The following CD109 variants were observed in gnomAD, a reference collection of about 807,000 sequenced individuals.
CD109 encodes the protein CD109 antigen.
Under a neutral mutation model 165.8 loss-of-function variants are expected in CD109, and 149 were observed. The observed-to-expected ratio is 0.90, with a 90% CI of 0.79 to 1.03. The LOEUF (loss-of-function observed/expected upper bound fraction) is 1.03, where lower values mean the gene tolerates loss of function less well. Ranked by LOEUF, CD109 falls within the 50% of genes least tolerant of loss-of-function variation. The probability of loss-of-function intolerance (pLI) is 0.00; values close to 1 mark genes in which losing one functional copy is unlikely to be tolerated. For missense variants in CD109, 1,712 were observed against 1,677.8 expected, an observed-to-expected ratio of 1.02 and a Z score of -0.36; for synonymous variants, 585 against 592.1, an observed-to-expected ratio of 0.99 and a Z score of 0.18.
chr6:73,822,203 A>G (rs531087798), intron 32 of CD109, among the ~76,000 whole-genome samples: 1 of 152,322 alleles, frequency 6.6e-6, no homozygotes, highest in South Asian at 2.1e-4. Context: ...GACTTTTTGT[A>G]TGTGATCTCT....
Position 73,701,622 on chromosome 6 carries a change from A to G in CD109, c.247+4050A>G, listed in dbSNP as rs115871228. 6.6e-3 allele frequency among the ~76,000 whole-genome samples: 1,012 copies of G among 152,342 alleles called. 15 individuals carry two copies. Among genetic ancestry groups the G allele is most frequent in the African/African-American group, 0.023 (964 of 41,584 alleles). The stretch of plus-strand genomic sequence containing the variant: ...TAATTTTCGTGATGTCCTTGAAACC[A>G]TAATTTCTGTTTTATTTTCCCTTCT... On this transcript the variant is annotated intron_variant, in intron 2 of 32. Transcript: ENST00000287097.
chr6:73,713,860 C>T (rs1040313816), intron 2 of CD109, among the ~76,000 whole-genome samples: 1 of 152,076 alleles, frequency 6.6e-6, no homozygotes, highest in African/African-American at 2.4e-5. Context: ...TGTAGACTCC[C>T]AACTGTTTTT....
intron 4 of CD109, among the ~76,000 whole-genome samples, chr6:73,734,363 C>T (rs1005852388): frequency 1.3e-5 from 2 of 152,220 alleles, no homozygotes; most frequent in African/African-American, 4.8e-5. Context: ...TTTTCCTACA[C>T]TTCAGGTAAC....
At chr6:73,711,435 T>G (rs551911288) in intron 2 of CD109, among the ~76,000 whole-genome samples, 2 of 152,210 alleles carry the variant, frequency 1.3e-5, no homozygotes, top group African/African-American at 4.8e-5. Context: ...AGAATACTTG[T>G]GTTTTCTGTG....
intron 23 of CD109, among the ~76,000 whole-genome samples, chr6:73,802,190 G>A (rs1279418176): frequency 2.0e-5 from 3 of 150,492 alleles, no homozygotes; most frequent in Non-Finnish European, 4.4e-5. Flanking sequence ...GCAGATACGT[G>A]AGCCTTAACC....
intron 2 of CD109, among the ~76,000 whole-genome samples, chr6:73,700,724 G>A (rs1771034410): frequency 6.8e-6 from 1 of 146,442 alleles, no homozygotes; most frequent in Non-Finnish European, 1.5e-5. Context: ...GGCCAGGAGT[G>A]TAGGTTATAT....
intron 21 of CD109, 61 bp downstream of exon 21, chr6:73,787,513 G>T: frequency 7.3e-7 from 1 of 1,379,258 alleles, no homozygotes; most frequent in South Asian, 1.3e-5. Flanking sequence ...GGAAGCAGAA[G>T]GTTTTTTCTC....
intron 5 of CD109, among the ~76,000 whole-genome samples, chr6:73,756,136 A>G (rs1042708923): frequency 6.6e-6 from 1 of 152,226 alleles, no homozygotes; most frequent in Non-Finnish European, 1.5e-5. Flanking sequence ...AAATAATTCA[A>G]GGAATTGGAA....
intron 5 of CD109, among the ~76,000 whole-genome samples, chr6:73,748,863 T>C (rs1215030422): frequency 1.3e-5 from 2 of 152,218 alleles, no homozygotes; most frequent in African/African-American, 4.8e-5. Context: ...CAAACCCTAT[T>C]GACTCTGTCA....
the CD109 span, among the ~76,000 whole-genome samples, chr6:73,684,189 G>A: frequency 6.7e-6 from 1 of 149,310 alleles, no homozygotes; most frequent in Non-Finnish European, 1.5e-5. Flanking sequence ...AGGAGCCTCT[G>A]TATTGTTTTC....
At chr6:73,716,372 T>C (rs895021200) in intron 2 of CD109, among the ~76,000 whole-genome samples, 1 of 152,192 alleles carries the variant, frequency 6.6e-6, no homozygotes, top group African/African-American at 2.4e-5. Flanking sequence ...TCCATAGTGG[T>C]TGTGCTAATT....
intron 4 of CD109, 70 bp downstream of exon 4, chr6:73,730,644 T>C (rs192785930): frequency 2.1e-6 from 2 of 932,784 alleles, no homozygotes; most frequent in East Asian, 5.1e-5. Flanking sequence ...AAGTTCTGCT[T>C]GTGTTACTGA....
chr6:73,749,860 T>C (rs1299827733), intron 5 of CD109, among the ~76,000 whole-genome samples: 3 of 152,168 alleles, frequency 2.0e-5, no homozygotes, highest in African/African-American at 7.2e-5. Context: ...TAGTAGAAAG[T>C]TTCTATGTAA....
intron 5 of CD109, among the ~76,000 whole-genome samples, chr6:73,756,104 T>C (rs1773380442): frequency 1.3e-5 from 2 of 152,222 alleles, no homozygotes; most frequent in African/African-American, 4.8e-5. Flanking sequence ...ATAGGATGTA[T>C]TGATTTAAGA....
At chr6:73,786,369 CT>C (rs2150257631) in intron 20 of CD109, among the ~76,000 whole-genome samples, 1 of 152,014 alleles carries the variant, frequency 6.6e-6, no homozygotes, top group South Asian at 2.1e-4. Context: ...TCTTTAGGCA[CT>C]TTATATATAA....
chr6:73,812,127 G>A (rs1775777644), intron 28 of CD109, 78 bp from the exon 29 acceptor site: 3 of 873,876 alleles, frequency 3.4e-6, no homozygotes, highest in Middle Eastern at 2.2e-4. Flanking sequence ...ATGAGGGATA[G>A]GACTGATCTG....
intron 2 of CD109, among the ~76,000 whole-genome samples, chr6:73,709,485 T>C (rs1582041149): frequency 6.6e-6 from 1 of 152,138 alleles, no homozygotes; most frequent in Non-Finnish European, 1.5e-5. Flanking sequence ...GCAATGTGAG[T>C]TGTTTTTTGG....
At chr6:73,802,175 T>C (rs1775378451) in intron 23 of CD109, among the ~76,000 whole-genome samples, 1 of 151,920 alleles carries the variant, frequency 6.6e-6, no homozygotes, top group South Asian at 2.1e-4. Flanking sequence ...TTTGCTTTTA[T>C]TAATGCAGAT....
chr6:73,772,151 G>A (rs1290617289), intron 15 of CD109, among the ~76,000 whole-genome samples: 2 of 152,096 alleles, frequency 1.3e-5, no homozygotes, highest in Non-Finnish European at 2.9e-5. Context: ...GGATAAGAGA[G>A]CTTTAGATAA....
Sources: gnomAD v4.1 joint callset for allele counts (sites outside exome capture counted in the v4.1 genomes callset) on GRCh38, gnomAD v4.1.1 for gene constraint, MANE v1.5 for transcripts, NCBI Gene and HGNC (gene_info 2026-07-23, HGNC 2026-07-21) for gene names.